Variants in KAT2B observed in about 807,000 individuals in gnomAD.
The protein encoded by KAT2B is lysine acetyltransferase 2B.
Under a neutral mutation model 105.9 loss-of-function variants are expected in KAT2B, and 36 were observed. The observed-to-expected ratio is 0.34, with a 90% CI of 0.26 to 0.45. The LOEUF (loss-of-function observed/expected upper bound fraction) is 0.45, where lower values mean the gene tolerates loss of function less well. Ranked by LOEUF, KAT2B falls within the 20% of genes least tolerant of loss-of-function variation. The pLI is 1.00. For missense variants in KAT2B, 820 were observed against 1,021.6 expected, an observed-to-expected ratio of 0.80 and a Z score of 2.69; for synonymous variants, 397 against 377.9, an observed-to-expected ratio of 1.05 and a Z score of -0.59.
At chr3:20,062,351 T>C (rs1300605375) in intron 1 of KAT2B, among the ~76,000 whole-genome samples, 2 of 99,468 alleles carry the variant, frequency 2.0e-5, no homozygotes, top group East Asian at 2.7e-4. Context: ...TAATATATAA[T>C]ATATTTTATA....
chr3:20,107,222 C>T (rs538767462), intron 5 of KAT2B, among the ~76,000 whole-genome samples: 46 of 147,396 alleles, frequency 3.1e-4, no homozygotes, highest in South Asian at 1.9e-3. Flanking sequence ...GTAGAGACGG[C>T]GTTTCACCAT....
chr3:20,076,360 G>C (rs1345148658), intron 2 of KAT2B, among the ~76,000 whole-genome samples: 10 of 151,980 alleles, frequency 6.6e-5, no homozygotes, highest in African/African-American at 2.4e-4. Flanking sequence ...TTTCTTCCTT[G>C]TTTCTTCTCT....
intron 7 of KAT2B, among the ~76,000 whole-genome samples, chr3:20,115,813 G>A (rs1699197700): frequency 6.6e-6 from 1 of 152,102 alleles, no homozygotes; most frequent in African/African-American, 2.4e-5. Flanking sequence ...AGTGATCTGT[G>A]TTTTTGTTCT....
At chr3:20,042,677 C>T (rs1043139637) in intron 1 of KAT2B, among the ~76,000 whole-genome samples, 1 of 152,192 alleles carries the variant, frequency 6.6e-6, no homozygotes, top group South Asian at 2.1e-4. Flanking sequence ...GTTCTCATCA[C>T]CAGCACCTCT....
chr3:20,133,883 A>C (rs1699554969), intron 11 of KAT2B, among the ~76,000 whole-genome samples: 1 of 152,146 alleles, frequency 6.6e-6, no homozygotes, highest in African/African-American at 2.4e-5. Flanking sequence ...GGTCGAACAT[A>C]TCTCTTATAT....
At chr3:20,116,088 T>G (rs894032708) in intron 7 of KAT2B, among the ~76,000 whole-genome samples, 16 of 152,150 alleles carry the variant, frequency 1.1e-4, no homozygotes, top group Non-Finnish European at 2.2e-4. Context: ...GTCCTTTTTT[T>G]TTTTCTAACC....
chr3:20,107,121 C>T (rs765295902), intron 5 of KAT2B, among the ~76,000 whole-genome samples: 15 of 136,500 alleles, frequency 1.1e-4, no homozygotes, highest in Non-Finnish European at 1.7e-4. Flanking sequence ...CAACCTCCAC[C>T]TCCTGGGTTC....
intron 13 of KAT2B, among the ~76,000 whole-genome samples, chr3:20,141,374 A>G (rs1198056700): frequency 6.6e-6 from 1 of 152,172 alleles, no homozygotes; most frequent in African/African-American, 2.4e-5. Flanking sequence ...AGGCAGAAAA[A>G]AAAAACACTC....
At chr3:20,068,459 C>T (rs1698263408) in intron 1 of KAT2B, among the ~76,000 whole-genome samples, 1 of 151,000 alleles carries the variant, frequency 6.6e-6, no homozygotes, top group African/African-American at 2.4e-5. Context: ...AGTCTTTGCT[C>T]TAAGGTCATC....
intron 1 of KAT2B, among the ~76,000 whole-genome samples, chr3:20,056,962 C>T (rs536050250): frequency 5.9e-5 from 9 of 152,220 alleles, no homozygotes; most frequent in African/African-American, 1.9e-4. Flanking sequence ...AAATGCTTGA[C>T]GTTCTTAAGT....
intron 2 of KAT2B, among the ~76,000 whole-genome samples, chr3:20,092,002 C>T (rs1011691106): frequency 6.6e-6 from 1 of 151,990 alleles, no homozygotes; most frequent in African/African-American, 2.4e-5. Context: ...CTGATCTGTC[C>T]TAGAGAAAAT....
At chr3:20,140,620 A>G (rs1241587319) in intron 13 of KAT2B, among the ~76,000 whole-genome samples, 1 of 152,066 alleles carries the variant, frequency 6.6e-6, no homozygotes, top group African/African-American at 2.4e-5. Context: ...CCTCCCGAGT[A>G]GCTAAGATTA....
chr3:20,127,515 T>C lies in KAT2B; in HGVS notation c.1715T>C (p.Val572Ala), dbSNP rs765803113. The change falls in exon 11 of 18, where the codon GTC (valine) becomes GCC (alanine). Residue 572 changes from valine to alanine, a missense_variant. Around this residue, in one of 6 missense-constraint regions of KAT2B, gnomAD observed 2 missense variants for 17.9 expected, o/e 0.11. Coordinates refer to ENST00000263754, the MANE Select transcript of KAT2B (RefSeq NM_003884.5). The stretch of plus-strand genomic sequence containing the variant: ...CCATCTCAAGGATTCACAGAGATTG[T>C]CTTCTGTGCTGTAACCTCAAATGAG... Reference protein sequence around the residue: ...MFPSQGFTEIVFCAVTSNEQV... With the variant: ...MFPSQGFTEIAFCAVTSNEQV... The C allele has an allele frequency of 6.2e-6, 10 of 1,613,236 alleles. No homozygotes were observed. In the South Asian group the frequency reaches 1.1e-4, roughly 18 times the overall value.
chr3:20,072,757 T>C (rs1698348187), intron 2 of KAT2B, among the ~76,000 whole-genome samples: 1 of 152,192 alleles, frequency 6.6e-6, no homozygotes, highest in Non-Finnish European at 1.5e-5. Flanking sequence ...ATGTGTAACA[T>C]GTCCTGATTC....
At chr3:20,078,067 C>T (rs1006358708) in intron 2 of KAT2B, among the ~76,000 whole-genome samples, 8 of 151,990 alleles carry the variant, frequency 5.3e-5, no homozygotes, top group Non-Finnish European at 8.8e-5. Flanking sequence ...CCCAGCTACT[C>T]GGGAGACTAA....
At chr3:20,092,548 C>T (rs551499444) in intron 2 of KAT2B, among the ~76,000 whole-genome samples, 1 of 150,872 alleles carries the variant, frequency 6.6e-6, no homozygotes, top group Non-Finnish European at 1.5e-5. Context: ...TTAATGTTTG[C>T]TTTATATTAT....
At chr3:20,120,224 T>G (rs923870646) in intron 8 of KAT2B, among the ~76,000 whole-genome samples, 2 of 150,588 alleles carry the variant, frequency 1.3e-5, no homozygotes, top group African/African-American at 2.5e-5. Context: ...TTTTTTTTTT[T>G]CCTTTTCTTT....
In KAT2B at chr3:20,129,971, A is replaced by AATTATT. The variant is rs143451150; in HGVS notation, c.1749+2441_1749+2446dup. Among the ~76,000 whole-genome samples the AATTATT allele has an allele frequency of 9.8e-3, 1,472 of 150,904 alleles. 34 individuals carry two copies. Among genetic ancestry groups the AATTATT allele is most frequent in the African/African-American group, 0.032 (1,315 of 41,150 alleles). ...TCTGGTCACAGTACCCATTTTTTAA[A>AATTATT]ATTATTATTATTATTATTATTATTT... On this transcript the variant is annotated intron_variant, in intron 11 of 17. Transcript: ENST00000263754.
chr3:20,103,497 C>A (rs1460304107), intron 5 of KAT2B, among the ~76,000 whole-genome samples: 2 of 152,094 alleles, frequency 1.3e-5, no homozygotes, highest in Non-Finnish European at 2.9e-5. Flanking sequence ...GTAGCCTCAA[C>A]CTCCTAGACT....
Sources: gnomAD v4.1 joint callset for allele counts (sites outside exome capture counted in the v4.1 genomes callset) on GRCh38, gnomAD v4.1.1 for gene constraint, gnomAD v4.1.1 regional missense constraint, MANE v1.5 for transcripts, NCBI Gene and HGNC (gene_info 2026-07-23, HGNC 2026-07-21) for gene names.